GATAD2A: variants seen among roughly 807,000 people sequenced by gnomAD.
GATAD2A encodes the protein GATA zinc finger domain containing 2A, also known as transcriptional repressor p66-alpha.
A neutral mutation model predicts 68.5 loss-of-function variants in GATAD2A; 12 were observed. The observed-to-expected ratio is 0.18, with a 90% confidence interval of 0.11 to 0.28. The LOEUF (loss-of-function observed/expected upper bound fraction) is 0.28, where lower values mean the gene tolerates loss of function less well. Ranked by LOEUF, GATAD2A falls within the 10% of genes least tolerant of loss-of-function variation. GATAD2A has a pLI of 1.00. For synonymous variants in GATAD2A, 410 were observed against 375.3 expected, an observed-to-expected ratio of 1.09 and a Z score of -1.07; for missense variants, 755 against 868.5, an observed-to-expected ratio of 0.87 and a Z score of 1.64.
intron 1 of GATAD2A, among the ~76,000 whole-genome samples, chr19:19,449,686 C>T (rs1321356056): frequency 6.6e-6 from 1 of 151,972 alleles, no homozygotes; most frequent in African/African-American, 2.4e-5. Context: ...CACCTGTGAC[C>T]TCGGGAGGCT....
upstream of GATAD2A, chr19:19,402,149 C>T (rs1365584022): frequency 6.6e-6 from 1 of 152,102 alleles, no homozygotes; most frequent in Non-Finnish European, 1.5e-5. Flanking sequence ...GCCTCAAACT[C>T]CTGGGCTTGA....
chr19:19,465,437 T>G lies in GATAD2A; in HGVS notation c.92T>G (p.Met31Arg), dbSNP rs1568310680. 6.2e-7 allele frequency: 1 copy of G among 1,613,564 alleles called. No individual in the cohort carries two copies. The highest frequency in any genetic ancestry group is 1.1e-5 in the South Asian group (1 of 91,070). ...GATGTGGAGAGCAAGAAAATAAAAA[T>G]GGAGAGAGGATTGTTGGCTTCAGAT... is the stretch of plus-strand genomic sequence containing the variant. ...EDDVESKKIKMERGLLASDLN... is the reference protein window; with the variant it reads ...EDDVESKKIKRERGLLASDLN... Residue 31 changes from methionine to arginine, a missense_variant, in exon 2 of 12, where the codon ATG becomes AGG. Coordinates refer to ENST00000683918, the MANE Select transcript of GATAD2A (RefSeq NM_001384528.1).
intron 1 of GATAD2A, among the ~76,000 whole-genome samples, chr19:19,433,091 CA>C: frequency 6.6e-6 from 1 of 152,288 alleles, no homozygotes; most frequent in Admixed American, 6.5e-5. Flanking sequence ...GCTTTGAAAG[CA>C]GTGGTAGAGT....
chr19:19,429,329 C>T, intron 1 of GATAD2A: 1 of 653,322 alleles, frequency 1.5e-6, no homozygotes. Flanking sequence ...CTCTCCTGGC[C>T]ATGGGAACGG....
At chr19:19,421,037 G>A (rs1475150724) in intron 1 of GATAD2A, among the ~76,000 whole-genome samples, 2 of 152,220 alleles carry the variant, frequency 1.3e-5, no homozygotes, top group Non-Finnish European at 2.9e-5. Context: ...CAGGTGCCTA[G>A]CGGTAACTTT....
intron 1 of GATAD2A, among the ~76,000 whole-genome samples, chr19:19,448,382 G>A (rs1166071382): frequency 6.6e-6 from 1 of 152,258 alleles, no homozygotes; most frequent in Admixed American, 6.5e-5. Flanking sequence ...TTCAAGCACG[G>A]CCTCAAATGA....
intron 1 of GATAD2A, among the ~76,000 whole-genome samples, chr19:19,396,577 A>C (rs1356544772): frequency 6.6e-6 from 1 of 152,204 alleles, no homozygotes; most frequent in Admixed American, 6.5e-5. Context: ...CTCAGGAAAC[A>C]TGATGGGGTA....
chr19:19,413,725 C>T (rs1005013124), intron 1 of GATAD2A, among the ~76,000 whole-genome samples: 1 of 152,102 alleles, frequency 6.6e-6, no homozygotes, highest in Non-Finnish European at 1.5e-5. Flanking sequence ...GTTAGGATTA[C>T]AGACACCCAT....
rs573925708 is a variant in GATAD2A, at chr19:19,426,212, G to A, written c.-7+20193G>A. On this transcript the variant is annotated intron_variant, in intron 1 of 11. Transcript: ENST00000683918. ...GAGCTCAGGGCTCATACCCAGCCGT[G>A]GGTCCATATAAGTCTTCGTGTGTCT... Among the ~76,000 whole-genome samples, 59 of 152,132 alleles carry A rather than the reference G, an allele frequency of 3.9e-4. 1 individual carries two copies. Among genetic ancestry groups the A allele is most frequent in the Non-Finnish European group, 7.8e-4 (53 of 68,024 alleles).
intron 1 of GATAD2A, among the ~76,000 whole-genome samples, chr19:19,457,695 C>T (rs112406978): frequency 1.3e-5 from 2 of 150,698 alleles, no homozygotes; most frequent in African/African-American, 4.9e-5. Context: ...GAGCCGAGAT[C>T]ATGCCACTGC....
In GATAD2A at chr19:19,390,977, C is replaced by T. The variant is rs181116630; in HGVS notation, c.-7+4839C>T. ...GGAGATCAGAATGCACCTCAAGCTC[C>T]CAAGGCCCAGAGGGCTGTGGAGATG... On this transcript the variant is annotated intron_variant, in intron 1 of 11. Transcript: ENST00000360315. Among the ~76,000 whole-genome samples, 44 of 152,214 alleles carry T rather than the reference C, an allele frequency of 2.9e-4. 1 individual carries two copies. Among genetic ancestry groups the T allele is most frequent in the Admixed American group, 9.8e-4 (15 of 15,276 alleles).
chr19:19,445,789 G>A (rs530757634), intron 1 of GATAD2A, among the ~76,000 whole-genome samples: 88 of 152,270 alleles, frequency 5.8e-4, no homozygotes, highest in Non-Finnish European at 8.4e-4. Flanking sequence ...TGTCTAGATG[G>A]ACCACATTTT....
chr19:19,452,087 A>G (rs1466361964), intron 1 of GATAD2A, among the ~76,000 whole-genome samples: 21 of 152,250 alleles, frequency 1.4e-4, no homozygotes, highest in Admixed American at 1.4e-3. Context: ...GAGTGTGAGT[A>G]TATACGTGTG....
At chr19:19,391,553 T>G (rs1360063982) in intron 1 of GATAD2A, among the ~76,000 whole-genome samples, 1 of 152,206 alleles carries the variant, frequency 6.6e-6, no homozygotes, top group African/African-American at 2.4e-5. Flanking sequence ...TTATGCTATG[T>G]CTCTTGTGTA....
intron 1 of GATAD2A, among the ~76,000 whole-genome samples, chr19:19,449,367 T>C (rs889669933): frequency 3.3e-5 from 5 of 152,094 alleles, no homozygotes; most frequent in Admixed American, 6.5e-5. Context: ...TTGCAGACCA[T>C]CTAGATGTTA....
intron 1 of GATAD2A, among the ~76,000 whole-genome samples, chr19:19,451,161 TC>T (rs1385147217): frequency 6.6e-6 from 1 of 150,858 alleles, no homozygotes; most frequent in African/African-American, 2.4e-5. Context: ...GATCATGAGA[TC>T]AGGAGATTGA....
chr19:19,492,577 G>A lies in GATAD2A; in HGVS notation c.403-4G>A, dbSNP rs746568384. The A allele has an allele frequency of 5.0e-6, 8 of 1,614,070 alleles. No homozygotes were observed. The highest frequency in any genetic ancestry group is 4.4e-5 in the South Asian group (4 of 91,092). Reference sequence around the variant, plus strand: ...TCTCAACCCTGTTCCTCTCGCCCCTGCAGAAAAGCAGTCCTGAAGAACGAG... The same window carrying A: ...TCTCAACCCTGTTCCTCTCGCCCCTACAGAAAAGCAGTCCTGAAGAACGAG... On this transcript the variant is annotated splice_region_variant and splice_polypyrimidine_tract_variant and intron_variant, in intron 3 of 11. Transcript: ENST00000683918.
chr19:19,444,048 G>A (rs1287423429), intron 1 of GATAD2A, among the ~76,000 whole-genome samples: 1 of 152,134 alleles, frequency 6.6e-6, no homozygotes, highest in African/African-American at 2.4e-5. Flanking sequence ...CATTTTACAG[G>A]TGAGGAAGCT....
chr19:19,430,968 A>G (rs2053652078), intron 1 of GATAD2A, among the ~76,000 whole-genome samples: 1 of 115,054 alleles, frequency 8.7e-6, no homozygotes. Context: ...GGTGGGTTGT[A>G]TGGTAGGGGT....
Sources: gnomAD v4.1 joint callset for allele counts (sites outside exome capture counted in the v4.1 genomes callset) on GRCh38, gnomAD v4.1.1 for gene constraint, MANE v1.5 for transcripts, NCBI Gene and HGNC (gene_info 2026-07-23, HGNC 2026-07-21) for gene names.